COL11A1: variants seen among roughly 807,000 people sequenced by gnomAD.
The protein encoded by COL11A1 is collagen alpha-1(XI) chain.
A neutral mutation model predicts 265.2 loss-of-function variants in COL11A1; 74 were observed. The observed-to-expected ratio is 0.28, with a 90% confidence interval of 0.23 to 0.34. COL11A1 has a LOEUF of 0.34. Among genes scored for constraint, COL11A1 ranks in the 10% least tolerant of loss-of-function variants. The probability of loss-of-function intolerance (pLI) is 1.00; values close to 1 mark genes in which losing one functional copy is unlikely to be tolerated. For missense variants in COL11A1, 2,165 were observed against 2,263.6 expected (o/e 0.96, Z 0.88); for synonymous variants, 816 against 727.6 (o/e 1.12, Z -1.96).
In COL11A1 at chr1:102,877,449, G is replaced by A. The variant is rs1198762823; in HGVS notation, c.*570C>T. 2.6e-5 allele frequency: 4 copies of A among 152,462 alleles called. No individual in the cohort carries two copies. The highest frequency in any genetic ancestry group is 4.4e-5 in the Non-Finnish European group (3 of 68,038). 9.4% of individuals were successfully genotyped at this position (152,462 alleles called of 1,614,324 possible). On this transcript the variant is annotated 3_prime_UTR_variant, in exon 67 of 67. Coordinates refer to ENST00000370096, the MANE Select transcript of COL11A1 (RefSeq NM_001854.4). ...CTCTTCAACATCAATATATACAAAG[G>A]CATTTTATTATTAACCAAAGAAAGG...
intron 4 of COL11A1, among the ~76,000 whole-genome samples, chr1:103,055,020 C>T (rs181822874): frequency 2.6e-5 from 4 of 152,238 alleles, no homozygotes; most frequent in Admixed American, 6.5e-5. Context: ...GGATGCATAG[C>T]ACTGTTATTC....
intron 57 of COL11A1, among the ~76,000 whole-genome samples, chr1:102,894,269 C>G (rs911342125): frequency 6.6e-6 from 1 of 152,146 alleles, no homozygotes; most frequent in African/African-American, 2.4e-5. Flanking sequence ...CTTGGTGGCT[C>G]ACGCCTGTAA....
intron 54 of COL11A1, among the ~76,000 whole-genome samples, chr1:102,910,731 G>A (rs1448877158): frequency 4.6e-5 from 7 of 152,008 alleles, no homozygotes; most frequent in African/African-American, 1.4e-4. Context: ...TAGGGTGGGT[G>A]TTAGGTCCTC....
chr1:103,013,166 CACTT>C (rs1210326276), intron 13 of COL11A1, among the ~76,000 whole-genome samples: 4 of 152,048 alleles, frequency 2.6e-5, no homozygotes, highest in Non-Finnish European at 4.4e-5. Flanking sequence ...AACAGATGAA[CACTT>C]AGATTTATCA....
At chr1:102,962,528 C>T (rs1661018114) in intron 39 of COL11A1, 125 bp downstream of exon 39, 2 of 884,744 alleles carry the variant, frequency 2.3e-6, no homozygotes, top group African/African-American at 1.7e-5. Context: ...AATAAACGCA[C>T]ATTAAATATT....
intron 9 of COL11A1, among the ~76,000 whole-genome samples, chr1:103,019,310 CA>C (rs1260606181): frequency 4.6e-5 from 7 of 151,590 alleles, no homozygotes; most frequent in Admixed American, 4.6e-4. Flanking sequence ...AAAATCCAGG[CA>C]AAAGGAAAAT....
At chr1:102,917,892 A>G (rs1054233830) in intron 49 of COL11A1, among the ~76,000 whole-genome samples, 5 of 151,664 alleles carry the variant, frequency 3.3e-5, no homozygotes, top group Non-Finnish European at 5.9e-5. Flanking sequence ...ATTAATATTC[A>G]TTTGTCCAAA....
At chr1:103,004,277 G>C (rs1179793227) in intron 20 of COL11A1, among the ~76,000 whole-genome samples, 167 bp downstream of exon 20, 4 of 152,020 alleles carry the variant, frequency 2.6e-5, no homozygotes, top group Admixed American at 2.6e-4. Context: ...TGTAACAAAA[G>C]GAGCTCTATA....
At chr1:102,989,459 G>A (rs1663904753) in intron 29 of COL11A1, 59 bp downstream of exon 29, 3 of 1,039,908 alleles carry the variant, frequency 2.9e-6, no homozygotes, top group Admixed American at 2.6e-5. Flanking sequence ...ATAAGCAAAG[G>A]AAAAAATATA....
Position 103,004,436 on chromosome 1 carries a change from T to C in COL11A1, c.1944+8A>G. On this transcript the variant is annotated splice_region_variant and intron_variant, in intron 20 of 66. Transcript: ENST00000370096. ...ATATTACTTAAAAATAAAAAGTAAG[T>C]TGCTTACAGCTTCACCTGGAAGACC... 1 of 1,605,712 alleles carries C rather than the reference T, an allele frequency of 6.2e-7. No individual in the cohort carries two copies. Among genetic ancestry groups the C allele is most frequent in the Non-Finnish European group, 8.5e-7 (1 of 1,174,008 alleles).
chr1:103,074,071 T>C (rs1385562945), intron 4 of COL11A1, among the ~76,000 whole-genome samples: 1 of 152,108 alleles, frequency 6.6e-6, no homozygotes, highest in Admixed American at 6.6e-5. Flanking sequence ...ATCCAATGAT[T>C]GGAGGACTAA....
At chr1:103,080,658 A>G (rs1262207646) in intron 2 of COL11A1, among the ~76,000 whole-genome samples, 1 of 151,960 alleles carries the variant, frequency 6.6e-6, no homozygotes, top group Non-Finnish European at 1.5e-5. Context: ...ACTATCAAAA[A>G]GTCAAAAGAT....
At chr1:102,966,176 C>T (rs1661384440) in intron 37 of COL11A1, among the ~76,000 whole-genome samples, 2 of 152,064 alleles carry the variant, frequency 1.3e-5, no homozygotes, top group Non-Finnish European at 2.9e-5. Context: ...GGCATATATT[C>T]TGGTATTTAT....
At chr1:102,884,289 T>C (rs894948172) in intron 63 of COL11A1, 2 of 152,110 alleles carry the variant, frequency 1.3e-5, no homozygotes, top group Admixed American at 6.6e-5. Context: ...AACCTAAACA[T>C]ACTACTCTAA....
intron 4 of COL11A1, among the ~76,000 whole-genome samples, chr1:103,047,664 G>A (rs992898294): frequency 7.9e-5 from 12 of 152,162 alleles, no homozygotes; most frequent in African/African-American, 2.9e-4. Flanking sequence ...GTGAGAGAGG[G>A]CATCCCTGTC....
chr1:102,879,998 A>ATTT, intron 65 of COL11A1, 82 bp from the exon 66 acceptor site: 11 of 920,888 alleles, frequency 1.2e-5, no homozygotes, highest in Non-Finnish European at 1.6e-5. Flanking sequence ...GCAGACAGTG[A>ATTT]ACTGTGATGC....
chr1:103,032,289 G>C (rs1346001720), intron 4 of COL11A1, among the ~76,000 whole-genome samples: 1 of 151,874 alleles, frequency 6.6e-6, no homozygotes, highest in Non-Finnish European at 1.5e-5. Context: ...TTTAGAACTT[G>C]ATAAAAATAT....
rs139930524 is a variant in COL11A1, at chr1:103,093,223, G to A, written c.107-10251C>T. On this transcript the variant is annotated intron_variant, in intron 1 of 66. Transcript: ENST00000370096. ...TGACAACTTAAAGCAAAAGCAAGGT[G>A]AAGAATCTAAAGCTGAAGAATTTAA... 8.8e-3 allele frequency among the ~76,000 whole-genome samples: 1,343 copies of A among 152,188 alleles called. 25 individuals are homozygous for A. Among genetic ancestry groups the A allele is most frequent in the African/African-American group, 0.031 (1,281 of 41,516 alleles).
At chr1:103,008,587 A>C in intron 14 of COL11A1, 71 bp from the exon 15 acceptor site, 3 of 1,171,382 alleles carry the variant, frequency 2.6e-6, no homozygotes, top group East Asian at 4.7e-5. Flanking sequence ...TGCCAATTGC[A>C]CCTGAAATAA....
Sources: allele counts gnomAD v4.1 joint callset (sites outside exome capture counted in the v4.1 genomes callset), GRCh38; gene constraint gnomAD v4.1.1; transcripts MANE v1.5; gene names NCBI Gene and HGNC (gene_info 2026-07-23, HGNC 2026-07-21).